Variants in EREG observed in about 807,000 individuals in gnomAD.
EREG encodes epiregulin.
In EREG, 23 loss-of-function variants were observed where a neutral mutation model predicts 22.4. The observed-to-expected ratio is 1.03, with a 90% CI of 0.74 to 1.46. The LOEUF (loss-of-function observed/expected upper bound fraction) is 1.46. Among genes scored for constraint, EREG ranks in the 40% most tolerant of loss-of-function variants. The probability of loss-of-function intolerance (pLI) is 0.00; values close to 1 mark genes in which losing one functional copy is unlikely to be tolerated. For synonymous variants in EREG, 100 were observed against 75.4 expected, an observed-to-expected ratio of 1.33 and a Z score of -1.69; for missense variants, 226 against 205.9, an observed-to-expected ratio of 1.10 and a Z score of -0.60.
At chr4:74,381,912 G>T (rs1166906630) in intron 3 of EREG, 1 of 147,738 alleles carries the variant, frequency 6.8e-6, no homozygotes, top group South Asian at 2.1e-4. Context: ...ATGAACCCGG[G>T]GGGTGGAGCT....
chr4:74,367,520 T>G (rs541003877), intron 1 of EREG, among the ~76,000 whole-genome samples: 1 of 152,346 alleles, frequency 6.6e-6, no homozygotes, highest in South Asian at 2.1e-4. Flanking sequence ...CATCAAACAT[T>G]TTTATTCATG....
rs1752553742 is a variant in EREG, at chr4:74,385,405, T to TCACTCAG, written c.*597_*598insCACTCAG. The TCACTCAG allele has an allele frequency of 6.5e-6, 1 of 153,214 alleles. No individual in the cohort carries two copies. The highest frequency in any genetic ancestry group is 2.4e-5 in the African/African-American group (1 of 41,522). 9.5% of individuals were successfully genotyped at this position (153,214 alleles called of 1,614,324 possible). A position where few individuals can be genotyped will look rare whatever the true frequency, so the allele number is the denominator to read the frequency against. On this transcript the variant is annotated 3_prime_UTR_variant, in exon 5 of 5. Coordinates refer to ENST00000244869, the MANE Select transcript of EREG (RefSeq NM_001432.3). ...TTCACTCAGGTCTCAGCTATAATTC[T>TCACTCAG]GTTATATGAGGGGCAGTGGACAGTT...
chr4:74,385,995 A>G lies in EREG; in HGVS notation c.*1187A>G, dbSNP rs2110391008. On this transcript the variant is annotated 3_prime_UTR_variant, in exon 5 of 5. Coordinates refer to ENST00000244869, the MANE Select transcript of EREG (RefSeq NM_001432.3). ...GCTTTTAAAATGTAGAAACTTAAAC[A>G]CACCTTCCTGTGGAGGCTGAGATGA... is the stretch of plus-strand genomic sequence containing the variant. 1 of 376,440 alleles carries G rather than the reference A, an allele frequency of 2.7e-6. No homozygotes were observed. Among genetic ancestry groups the G allele is most frequent in the East Asian group, 3.7e-5 (1 of 27,010 alleles). The allele number at this position is 376,440 out of a possible 1,614,324, so 23.3% of individuals were successfully genotyped here.
At chr4:74,380,842 T>A (rs1752460766) in intron 2 of EREG, among the ~76,000 whole-genome samples, 172 bp from the exon 3 acceptor site, 1 of 152,200 alleles carries the variant, frequency 6.6e-6, no homozygotes, top group African/African-American at 2.4e-5. Context: ...TGTTTATTGA[T>A]TGGTCTAGGG....
rs1752558482 is a variant in EREG, at chr4:74,385,737, A to G, written c.*929A>G. On this transcript the variant is annotated 3_prime_UTR_variant, in exon 5 of 5. Transcript: ENST00000244869. ...TAAATCACAGCCCAAAATTTGATGGACTAATTATTATTTTAAAATATATGA... is the reference window on the plus strand; with the variant it reads ...TAAATCACAGCCCAAAATTTGATGGGCTAATTATTATTTTAAAATATATGA... The G allele has an allele frequency of 5.3e-6, 2 of 379,090 alleles. No individual in the cohort carries two copies. The highest frequency in any genetic ancestry group is 4.5e-5 in the Admixed American group (1 of 22,020). The allele number at this position is 379,090 out of a possible 1,614,324, so 23.5% of individuals were successfully genotyped here.
Position 74,388,301 on chromosome 4 carries a change from G to A in EREG, c.*3493G>A, listed in dbSNP as rs540297527. ...ACCGTTAAAAAATTCTTGTTCATAT[G>A]GGAGAAGGGGGAGTAATGACTTGTA... On this transcript the variant is annotated 3_prime_UTR_variant, in exon 5 of 5. Coordinates refer to ENST00000244869, the MANE Select transcript of EREG (RefSeq NM_001432.3). The A allele has an allele frequency of 2.0e-5, 3 of 152,234 alleles. No homozygotes were observed. Among genetic ancestry groups the A allele is most frequent in the African/African-American group, 7.2e-5 (3 of 41,564 alleles). The allele number at this position is 152,234 out of a possible 1,614,324, so 9.4% of individuals were successfully genotyped here. A position where few individuals can be genotyped will look rare whatever the true frequency, so the allele number is the denominator to read the frequency against.
intron 1 of EREG, among the ~76,000 whole-genome samples, chr4:74,367,457 G>C (rs930778790): frequency 6.6e-6 from 1 of 152,078 alleles, no homozygotes; most frequent in African/African-American, 2.4e-5. Context: ...AAAGAGAGGA[G>C]GATAAATTTT....
rs751004908 is a variant in EREG at position 74,381,138 on chromosome 4, G to A, written c.278+1G>A. Reference sequence around the variant, plus strand: ...TGGACATGAGTCAAAACTACTGCAGGTAATATGTCAGAAATAAACAAACAC... The same window carrying A: ...TGGACATGAGTCAAAACTACTGCAGATAATATGTCAGAAATAAACAAACAC... On this transcript the variant is annotated splice_donor_variant, in intron 3 of 4. Coordinates refer to ENST00000244869, the MANE Select transcript of EREG (RefSeq NM_001432.3). LOFTEE classifies it high-confidence loss of function. 14 of 1,608,048 alleles carry A rather than the reference G, an allele frequency of 8.7e-6. No homozygotes were observed. The highest frequency in any genetic ancestry group is 1.2e-5 in the Non-Finnish European group (14 of 1,178,068).
rs1228661610 is a variant in EREG, at chr4:74,385,459, T to C, written c.*651T>C. 6.4e-6 allele frequency: 1 copy of C among 155,150 alleles called. No homozygotes were observed. Among genetic ancestry groups the C allele is most frequent in the Admixed American group, 6.5e-5 (1 of 15,380 alleles). 9.6% of individuals were successfully genotyped at this position (155,150 alleles called of 1,614,324 possible). On this transcript the variant is annotated 3_prime_UTR_variant, in exon 5 of 5. Coordinates refer to ENST00000244869, the MANE Select transcript of EREG (RefSeq NM_001432.3). ...TATGCCAACTCACGACTCCTACAGG[T>C]ACTAGTCACTCATCTACCAGATTCT...
At chr4:74,376,656 G>A (rs1190951813) in intron 1 of EREG, among the ~76,000 whole-genome samples, 2 of 152,192 alleles carry the variant, frequency 1.3e-5, no homozygotes, top group Non-Finnish European at 2.9e-5. Context: ...AATTGAAGCA[G>A]CATTTATATT....
intron 1 of EREG, among the ~76,000 whole-genome samples, chr4:74,377,698 A>G (rs373500769): frequency 6.6e-6 from 1 of 152,234 alleles, no homozygotes; most frequent in African/African-American, 2.4e-5. Context: ...GAAACTTATC[A>G]TGGCCGAAGG....
intron 1 of EREG, among the ~76,000 whole-genome samples, chr4:74,378,471 AT>A (rs892205751): frequency 1.3e-5 from 2 of 152,130 alleles, no homozygotes; most frequent in Non-Finnish European, 2.9e-5. Context: ...AATATGTCTA[AT>A]TTTTTTCAAA....
At chr4:74,371,615 T>TA (rs2110384245) in intron 1 of EREG, among the ~76,000 whole-genome samples, 1 of 152,358 alleles carries the variant, frequency 6.6e-6, no homozygotes, top group Admixed American at 6.5e-5. Flanking sequence ...CATATAAATG[T>TA]CTTCCATTCC....
intron 1 of EREG, among the ~76,000 whole-genome samples, chr4:74,373,756 A>T (rs2110385364): frequency 6.6e-6 from 1 of 150,728 alleles, no homozygotes. Context: ...ATCTATACAC[A>T]CACACACACA....
In EREG at chr4:74,387,679, T is replaced by A. The variant is rs1752594866; in HGVS notation, c.*2871T>A. Reference sequence around the variant, plus strand: ...CTGTACACAGTGGGAAGATTTTAGTTCACACTTAGTCTAACTCCCCCATTT... The same window carrying A: ...CTGTACACAGTGGGAAGATTTTAGTACACACTTAGTCTAACTCCCCCATTT... On this transcript the variant is annotated 3_prime_UTR_variant, in exon 5 of 5. Transcript: ENST00000244869. 1 of 152,166 alleles carries A rather than the reference T, an allele frequency of 6.6e-6. No individual in the cohort carries two copies. The highest frequency in any genetic ancestry group is 6.5e-5 in the Admixed American group (1 of 15,274). The allele number at this position is 152,166 out of a possible 1,614,324, so 9.4% of individuals were successfully genotyped here.
chr4:74,365,417 G>T, intron 1 of EREG, 42 bp downstream of exon 1: 1 of 1,581,628 alleles, frequency 6.3e-7, no homozygotes, highest in Non-Finnish European at 8.7e-7. Context: ...CCAAAGAGGA[G>T]ACAAATAAGG....
chr4:74,386,054 T>C lies in EREG; in HGVS notation c.*1246T>C, dbSNP rs1188798215. The C allele has an allele frequency of 5.6e-6, 2 of 355,228 alleles. No homozygotes were observed. The highest frequency in any genetic ancestry group is 4.2e-5 in the African/African-American group (2 of 47,762). 22.0% of individuals were successfully genotyped at this position (355,228 alleles called of 1,614,324 possible). On this transcript the variant is annotated 3_prime_UTR_variant, in exon 5 of 5. Transcript: ENST00000244869. ...GCTCATTTTCCTGACATTTGTTTAT[T>C]TTTTGGAAGAGACAAAGATTTCTTC...
In EREG at chr4:74,379,124, A is replaced by G. The variant is rs16851077; in HGVS notation, c.68-324A>G. Among the ~76,000 whole-genome samples, 237 of 152,358 alleles carry G rather than the reference A, an allele frequency of 1.6e-3. 1 individual carries two copies. Among genetic ancestry groups the G allele is most frequent in the African/African-American group, 5.4e-3 (225 of 41,586 alleles). The stretch of plus-strand genomic sequence containing the variant: ...CTCTGAACACATGATGGAATAAAAC[A>G]GTGGAAATTCTCCAACTGATGTGCG... On this transcript the variant is annotated intron_variant, in intron 1 of 4. Coordinates refer to ENST00000244869, the MANE Select transcript of EREG (RefSeq NM_001432.3).
chr4:74,372,061 G>A (rs193227894), intron 1 of EREG, among the ~76,000 whole-genome samples: 5 of 152,294 alleles, frequency 3.3e-5, no homozygotes, highest in Admixed American at 2.6e-4. Flanking sequence ...TTTGACAAAT[G>A]TAGTTACTAA....
Sources: gnomAD v4.1 joint callset for allele counts (sites outside exome capture counted in the v4.1 genomes callset) on GRCh38, gnomAD v4.1.1 for gene constraint, MANE v1.5 for transcripts, NCBI Gene and HGNC (gene_info 2026-07-23, HGNC 2026-07-21) for gene names.